Variants in CLDN16 observed in about 807,000 individuals in gnomAD.
CLDN16 encodes claudin 16.
A neutral mutation model predicts 24.6 loss-of-function variants in CLDN16; 13 were observed. The observed-to-expected ratio is 0.53, with a 90% CI of 0.34 to 0.84. The LOEUF (loss-of-function observed/expected upper bound fraction) is 0.84, where lower values mean the gene tolerates loss of function less well. Ranked by LOEUF, CLDN16 falls within the 40% of genes least tolerant of loss-of-function variation. The pLI is 0.01. For synonymous variants in CLDN16, 116 were observed against 106.7 expected, an observed-to-expected ratio of 1.09 and a Z score of -0.54; for missense variants, 298 against 292.7, an observed-to-expected ratio of 1.02 and a Z score of -0.13.
the CLDN16 span, among the ~76,000 whole-genome samples, chr3:190,297,101 A>G: frequency 2.0e-5 from 3 of 152,076 alleles, no homozygotes; most frequent in Non-Finnish European, 4.4e-5. Flanking sequence ...AACTAAACAC[A>G]AAAGTAAACA....
chr3:190,408,540 T>C (rs983742483), intron 4 of CLDN16, 35 bp downstream of exon 4: 4 of 1,583,418 alleles, frequency 2.5e-6, no homozygotes, highest in South Asian at 1.1e-5. Context: ...TTTCCTTGCC[T>C]CCACTATCGT....
chr3:190,308,484 C>A, the CLDN16 span: 45 of 1,583,530 alleles, frequency 2.8e-5, no homozygotes, highest in African/African-American at 5.1e-4. Flanking sequence ...GAATTATTGG[C>A]AACTTTTCTA....
intron 2 of CLDN16, among the ~76,000 whole-genome samples, chr3:190,403,145 T>A (rs1719005282): frequency 6.6e-6 from 1 of 152,030 alleles, no homozygotes; most frequent in Non-Finnish European, 1.5e-5. Context: ...CTGGCCAACA[T>A]GGTGAAACCC....
chr3:190,295,050 T>G, the CLDN16 span, among the ~76,000 whole-genome samples: 7 of 152,068 alleles, frequency 4.6e-5, no homozygotes, highest in Non-Finnish European at 1.0e-4. Context: ...TTATAAAAAT[T>G]AAGACAATTT....
In CLDN16 at chr3:190,402,354, A is replaced by G. The variant is rs1274557149; in HGVS notation, c.132A>G (p.Arg44=). The change falls in exon 2 of 5, where the codon CGA becomes CGG. Residue 44 remains arginine, a synonymous_variant. Coordinates refer to ENST00000264734, the MANE Select transcript of CLDN16 (RefSeq NM_006580.4). ...ACATCTAGGTGAGCACAAAATGCCG[A>G]GGCCTCTGGTGGGAATGCGTCACAA... The part of the protein sequence containing the change: ...DDSLEVSTKC[R]GLWWECVTNA... The G allele has an allele frequency of 1.9e-6, 3 of 1,613,998 alleles. No individual in the cohort carries two copies.
chr3:190,306,270 G>C, the CLDN16 span: 3 of 152,256 alleles, frequency 2.0e-5, no homozygotes, highest in East Asian at 5.8e-4. Context: ...GAAAGCATCG[G>C]GCCATACTCA....
chr3:190,310,539 A>T, the CLDN16 span, among the ~76,000 whole-genome samples: 1 of 152,238 alleles, frequency 6.6e-6, no homozygotes, highest in Admixed American at 6.5e-5. Context: ...TATGTTGTAC[A>T]AAATCTCTTT....
intron 1 of CLDN16, among the ~76,000 whole-genome samples, chr3:190,338,134 G>A (rs894032720): frequency 2.6e-5 from 4 of 152,044 alleles, no homozygotes; most frequent in African/African-American, 7.2e-5. Context: ...CTACTTCACC[G>A]CCACTCCAAG....
chr3:190,329,823 A>G (rs1339255702), intron 1 of CLDN16, among the ~76,000 whole-genome samples: 1 of 152,132 alleles, frequency 6.6e-6, no homozygotes, highest in East Asian at 1.9e-4. Flanking sequence ...GGGGAGAGGA[A>G]TCTTAGAGAG....
At chr3:190,407,202 TTC>T (rs1719128562) in intron 3 of CLDN16, among the ~76,000 whole-genome samples, 1 of 152,156 alleles carries the variant, frequency 6.6e-6, no homozygotes, top group African/African-American at 2.4e-5. Flanking sequence ...AGACAAATAT[TTC>T]TCTCATTAGA....
upstream of CLDN16, among the ~76,000 whole-genome samples, chr3:190,383,215 T>C (rs1718409843): frequency 6.6e-6 from 1 of 151,560 alleles, no homozygotes; most frequent in Non-Finnish European, 1.5e-5. Context: ...GGAGTTAGAG[T>C]TTAGGAGATA....
upstream of CLDN16, among the ~76,000 whole-genome samples, chr3:190,320,075 G>T (rs191653321): frequency 2.5e-3 from 378 of 151,612 alleles, no homozygotes; most frequent in African/African-American, 8.5e-3. Context: ...AGTGTGTGTG[G>T]GGGGGTAGGT....
intron 1 of CLDN16, among the ~76,000 whole-genome samples, chr3:190,360,239 G>A (rs1392300131): frequency 6.6e-6 from 1 of 151,984 alleles, no homozygotes; most frequent in African/African-American, 2.4e-5. Context: ...TGTTTCCAGG[G>A]AGGAAAATAG....
intron 1 of CLDN16, among the ~76,000 whole-genome samples, chr3:190,352,252 A>G (rs1489313717): frequency 6.6e-6 from 1 of 152,102 alleles, no homozygotes; most frequent in Non-Finnish European, 1.5e-5. Flanking sequence ...TTAAAGAGTA[A>G]GAAAAGTTTG....
chr3:190,320,847 A>T (rs982539990), upstream of CLDN16, among the ~76,000 whole-genome samples: 1 of 152,174 alleles, frequency 6.6e-6, no homozygotes, highest in Non-Finnish European at 1.5e-5. Flanking sequence ...CAGACACATG[A>T]TATAAGACAA....
chr3:190,291,651 C>T, the CLDN16 span, among the ~76,000 whole-genome samples: 2 of 152,070 alleles, frequency 1.3e-5, 1 homozygote. Context: ...TTACATCTTT[C>T]ACATTTCAAA....
intron 2 of CLDN16, among the ~76,000 whole-genome samples, chr3:190,403,280 C>T (rs1719008030): frequency 6.6e-6 from 1 of 151,394 alleles, no homozygotes; most frequent in Non-Finnish European, 1.5e-5. Flanking sequence ...TACAGTGAGC[C>T]GAGATCACAC....
upstream of CLDN16, among the ~76,000 whole-genome samples, chr3:190,385,215 C>T (rs1718467637): frequency 1.3e-5 from 2 of 152,090 alleles, no homozygotes; most frequent in South Asian, 4.1e-4. Flanking sequence ...ATGTTGAAGC[C>T]TAGGGAGGGT....
At position 190,335,232 on chromosome 3, in the gene CLDN16, C is replaced by T. The variant is rs1347684182; in HGVS notation, n.121+12571C>T. On this transcript the variant is annotated intron_variant and non_coding_transcript_variant, in intron 1 of 4. Transcript: ENST00000468220. Reference sequence around the variant, plus strand: ...CTAATTTTTGTATTTTTAGTAGGGACGGAGTTTCACCACGTTGGCCAGGCT... The same window carrying T: ...CTAATTTTTGTATTTTTAGTAGGGATGGAGTTTCACCACGTTGGCCAGGCT... Among the ~76,000 whole-genome samples, 8 of 151,688 alleles carry T rather than the reference C, an allele frequency of 5.3e-5. No homozygotes were observed. The East Asian group carries it at 5.9e-4, about 11-fold the overall frequency.
Sources: gnomAD v4.1 joint callset for allele counts (sites outside exome capture counted in the v4.1 genomes callset) on GRCh38, gnomAD v4.1.1 for gene constraint, MANE v1.5 for transcripts, NCBI Gene and HGNC (gene_info 2026-07-23, HGNC 2026-07-21) for gene names.